AFF3: variants seen among roughly 807,000 people sequenced by gnomAD.
The protein encoded by AFF3 is ALF transcription elongation factor 3, also known as AF4/FMR2 family member 3.
A neutral mutation model predicts 129.7 loss-of-function variants in AFF3; 32 were observed. The observed-to-expected ratio is 0.25, with a 90% CI of 0.19 to 0.33. The LOEUF is 0.33. Ranked by LOEUF, AFF3 falls within the 10% of genes least tolerant of loss-of-function variation. The pLI is 1.00. For synonymous variants in AFF3, 644 were observed against 635.4 expected (o/e 1.01, Z -0.20); for missense variants, 1,373 against 1,592.0 (o/e 0.86, Z 2.34).
At chr2:99,833,707 C>T (rs761511289) in intron 8 of AFF3, among the ~76,000 whole-genome samples, 1 of 152,010 alleles carries the variant, frequency 6.6e-6, no homozygotes, top group Non-Finnish European at 1.5e-5. Context: ...TGCCATTCTA[C>T]GTTAATGGAT....
intron 11 of AFF3, among the ~76,000 whole-genome samples, chr2:99,701,544 C>G (rs538414290): frequency 1.3e-5 from 2 of 152,270 alleles, no homozygotes; most frequent in South Asian, 4.1e-4. Context: ...ACAAAATGTA[C>G]AGGGAAGTCC....
At chr2:99,998,763 A>T (rs1426188006) in intron 7 of AFF3, among the ~76,000 whole-genome samples, 1 of 152,172 alleles carries the variant, frequency 6.6e-6, no homozygotes, top group Non-Finnish European at 1.5e-5. Flanking sequence ...TCCCATGAAT[A>T]ACTGAACGAG....
chr2:99,954,641 C>A (rs1056996173), intron 7 of AFF3, among the ~76,000 whole-genome samples: 1 of 151,344 alleles, frequency 6.6e-6, no homozygotes, highest in Non-Finnish European at 1.5e-5. Context: ...TGGAAATCAT[C>A]ATTCTCAGTA....
chr2:99,798,017 T>C (rs778919661), intron 8 of AFF3, among the ~76,000 whole-genome samples: 6 of 152,124 alleles, frequency 3.9e-5, no homozygotes, highest in Non-Finnish European at 8.8e-5. Context: ...ATTTTATAAT[T>C]TGAATATGTT....
intron 8 of AFF3, among the ~76,000 whole-genome samples, chr2:99,833,193 C>T (rs1347421707): frequency 2.0e-5 from 3 of 152,142 alleles, no homozygotes; most frequent in African/African-American, 7.2e-5. Flanking sequence ...CAAGTCAGTG[C>T]CCTCAACTCA....
intron 2 of AFF3, among the ~76,000 whole-genome samples, chr2:100,119,082 G>A (rs1489260133): frequency 1.3e-5 from 2 of 152,194 alleles, no homozygotes; most frequent in East Asian, 1.9e-4. Flanking sequence ...GATTACAGAC[G>A]TGAGCCACCA....
intron 1 of AFF3, among the ~76,000 whole-genome samples, chr2:100,135,008 A>G (rs1473349532): frequency 6.6e-6 from 1 of 152,220 alleles, no homozygotes. Context: ...GAGGTGACCT[A>G]TGCATCTGGG....
chr2:99,997,231 C>G (rs1219199288), intron 7 of AFF3, among the ~76,000 whole-genome samples: 2 of 152,206 alleles, frequency 1.3e-5, no homozygotes, highest in African/African-American at 2.4e-5. Context: ...AGAGACAACT[C>G]AAACTCAATA....
rs2105204800 is a variant in AFF3, at chr2:99,752,218, C to T, written c.1002+3G>A. On this transcript the variant is annotated splice_donor_region_variant and intron_variant, in intron 9 of 24. Transcript: ENST00000672756. ...ATTCCTCCTGAGGGATGCAAGATCTCACCTTATTTGGAAATGGAAATTTGG... is the reference window on the plus strand; with the variant it reads ...ATTCCTCCTGAGGGATGCAAGATCTTACCTTATTTGGAAATGGAAATTTGG... 6.2e-7 allele frequency: 1 copy of T among 1,609,332 alleles called. No homozygotes were observed. Among genetic ancestry groups the T allele is most frequent in the East Asian group, 2.2e-5 (1 of 44,836 alleles).
intron 10 of AFF3, among the ~76,000 whole-genome samples, chr2:99,728,554 C>T (rs1679549662): frequency 6.6e-6 from 1 of 152,178 alleles, no homozygotes; most frequent in Admixed American, 6.5e-5. Context: ...TTTATATGTC[C>T]TTCTCTTTTT....
chr2:99,988,495 T>G (rs537455856), intron 7 of AFF3, among the ~76,000 whole-genome samples: 66 of 152,196 alleles, frequency 4.3e-4, no homozygotes, highest in African/African-American at 1.5e-3. Flanking sequence ...AACTCCAGCT[T>G]TTTCTCTTCT....
intron 10 of AFF3, among the ~76,000 whole-genome samples, chr2:99,738,077 T>C (rs1680401761): frequency 6.6e-6 from 1 of 152,160 alleles, no homozygotes; most frequent in Non-Finnish European, 1.5e-5. Flanking sequence ...TAATTTCACA[T>C]TCTAGGCTTG....
At chr2:99,901,009 G>A (rs1016333633) in intron 7 of AFF3, among the ~76,000 whole-genome samples, 2 of 152,234 alleles carry the variant, frequency 1.3e-5, no homozygotes, top group Non-Finnish European at 2.9e-5. Flanking sequence ...TCTAACAGCA[G>A]GTTGCTCCAT....
chr2:99,698,532 T>C (rs966860321), intron 11 of AFF3, among the ~76,000 whole-genome samples: 2 of 152,252 alleles, frequency 1.3e-5, no homozygotes, highest in African/African-American at 4.8e-5. Context: ...TCTTGGGCTT[T>C]TGATATTGAG....
At chr2:99,968,682 C>G (rs185895399) in intron 7 of AFF3, among the ~76,000 whole-genome samples, 26 of 143,644 alleles carry the variant, frequency 1.8e-4, no homozygotes, top group African/African-American at 7.3e-4. Context: ...TCAACATAGA[C>G]GAGAAACGAG....
At chr2:100,096,197 A>G (rs1690277291) in intron 4 of AFF3, among the ~76,000 whole-genome samples, 1 of 152,226 alleles carries the variant, frequency 6.6e-6, no homozygotes, top group African/African-American at 2.4e-5. Flanking sequence ...CAAATCCAAA[A>G]GTGTCTGTAA....
chr2:99,876,149 T>C (rs34634326), intron 7 of AFF3, among the ~76,000 whole-genome samples: 53,125 of 151,944 alleles, frequency 0.35, 10,123 homozygotes, highest in East Asian at 0.54. Flanking sequence ...TCCATGCTCA[T>C]TCCCTAGGAC....
Position 100,006,990 on chromosome 2 carries a change from A to G in AFF3, c.515T>C (p.Leu172Pro), listed in dbSNP as rs755726234. Reference protein sequence around the residue: ...ATQQGSLRTLLGDGVGRQQPR... With the variant: ...ATQQGSLRTLPGDGVGRQQPR... ...CTGCTGTCTGCCAACACCATCTCCA[A>G]GCAAGGTCCTGAGAGAGCCCTGTTG... The change falls in exon 7 of 25, where the codon CTT (leucine) becomes CCT (proline). Residue 172 changes from leucine (L) to proline (P), a missense_variant. Leu to Pro is a moderately conservative substitution (Grantham distance 98, BLOSUM62 -3). Coordinates refer to ENST00000672756, the MANE Select transcript of AFF3 (RefSeq NM_001386135.1). The G allele has an allele frequency of 1.9e-6, 3 of 1,612,354 alleles. No homozygotes were observed. The highest frequency in any genetic ancestry group is 2.2e-5 in the South Asian group (2 of 90,916).
rs188127080 is a variant in AFF3, at chr2:99,546,474, G to A, written c.*5000C>T. On this transcript the variant is annotated 3_prime_UTR_variant, in exon 25 of 25. Transcript: ENST00000672756. ...CATTTTTCTCTCTAGACACGAGTGA[G>A]TTATGTCAGATGGTATAATGGGAAA... is the stretch of plus-strand genomic sequence containing the variant. 7.8e-4 allele frequency: 181 copies of A among 233,020 alleles called. No individual in the cohort carries two copies. Among genetic ancestry groups the A allele is most frequent in the South Asian group, 3.6e-3 (20 of 5,528 alleles). 14.4% of individuals were successfully genotyped at this position (233,020 alleles called of 1,614,324 possible).
Sources: gnomAD v4.1 joint callset for allele counts (sites outside exome capture counted in the v4.1 genomes callset) on GRCh38, gnomAD v4.1.1 for gene constraint, MANE v1.5 for transcripts, NCBI Gene and HGNC (gene_info 2026-07-23, HGNC 2026-07-21) for gene names.